The following SPPL3 variants were observed in gnomAD, a reference collection of about 807,000 sequenced individuals.
SPPL3 encodes the protein signal peptide peptidase-like 3.
SPPL3 carries 5 observed loss-of-function variants against 42.4 expected under a neutral mutation model. That is an observed-to-expected ratio of 0.12 (90% CI 0.06 to 0.25). SPPL3 has a LOEUF of 0.25. Ranked by LOEUF, SPPL3 falls within the 10% of genes least tolerant of loss-of-function variation. The probability of loss-of-function intolerance (pLI) is 1.00; values close to 1 mark genes in which losing one functional copy is unlikely to be tolerated. For synonymous variants in SPPL3, 195 were observed against 181.8 expected, an observed-to-expected ratio of 1.07 and a Z score of -0.58; for missense variants, 235 against 489.0, an observed-to-expected ratio of 0.48 and a Z score of 4.90.
At chr12:120,771,375 G>A (rs1368961976) in intron 6 of SPPL3, among the ~76,000 whole-genome samples, 4 of 152,174 alleles carry the variant, frequency 2.6e-5, no homozygotes, top group Non-Finnish European at 5.9e-5. Context: ...CATTTACTGT[G>A]CCCTCTGCCT....
chr12:120,893,528 G>C (rs530003809), intron 1 of SPPL3, among the ~76,000 whole-genome samples: 1 of 151,924 alleles, frequency 6.6e-6, no homozygotes, highest in Non-Finnish European at 1.5e-5. Flanking sequence ...TCAAACAAAT[G>C]GCCAGTACCC....
intron 1 of SPPL3, among the ~76,000 whole-genome samples, chr12:120,859,032 T>C (rs923403690): frequency 1.3e-5 from 2 of 152,228 alleles, no homozygotes; most frequent in African/African-American, 2.4e-5. Context: ...TTCTGCCTCA[T>C]TGCATTTCTT....
chr12:120,889,531 A>G (rs1873565918), intron 1 of SPPL3, among the ~76,000 whole-genome samples: 1 of 152,212 alleles, frequency 6.6e-6, no homozygotes, highest in Non-Finnish European at 1.5e-5. Flanking sequence ...CCTAGAGAAG[A>G]GCTTCCCCTA....
chr12:120,890,341 G>A (rs558404549), intron 1 of SPPL3, among the ~76,000 whole-genome samples: 1 of 152,218 alleles, frequency 6.6e-6, no homozygotes, highest in Admixed American at 6.5e-5. Context: ...TGTAATCCCA[G>A]CACTTTGGGA....
At chr12:120,780,797 C>A (rs1440438363) in intron 6 of SPPL3, among the ~76,000 whole-genome samples, 2 of 151,388 alleles carry the variant, frequency 1.3e-5, no homozygotes, top group Non-Finnish European at 2.9e-5. Context: ...CCCACAATCC[C>A]AGCTACTTGG....
intron 1 of SPPL3, among the ~76,000 whole-genome samples, chr12:120,850,237 C>T (rs1053891371): frequency 6.6e-5 from 10 of 152,172 alleles, no homozygotes; most frequent in African/African-American, 2.2e-4. Flanking sequence ...CAGAGACACA[C>T]ATCTTAGATG....
At chr12:120,852,878 TCA>T (rs1872303955) in intron 1 of SPPL3, among the ~76,000 whole-genome samples, 16 of 138,162 alleles carry the variant, frequency 1.2e-4, no homozygotes, top group African/African-American at 3.1e-4. Context: ...TATATACATA[TCA>T]TATATATTTC....
intron 6 of SPPL3, among the ~76,000 whole-genome samples, chr12:120,781,572 T>TGG (rs1566040055): frequency 1.0e-4 from 9 of 88,572 alleles, no homozygotes; most frequent in African/African-American, 4.2e-4. Context: ...TTTTTTTTTT[T>TGG]TTTTTTTTTT....
At position 120,781,666 on chromosome 12, in the gene SPPL3, C is replaced by T. The variant is rs536538269; in HGVS notation, c.502+989G>A. ...TTGGCTCACTGCAAGCTCCGCCTCC[C>T]GGGTTCACACCTCCGGAGTTCTCCT... On this transcript the variant is annotated intron_variant, in intron 6 of 10. Transcript: ENST00000353487. Among the ~76,000 whole-genome samples the T allele has an allele frequency of 8.4e-5, 12 of 143,076 alleles. 1 individual carries two copies. In the South Asian group the frequency reaches 8.9e-4, roughly 11 times the overall value. 93.9% of individuals were successfully genotyped at this position (143,076 alleles called of 152,430 possible). A position where few individuals can be genotyped will look rare whatever the true frequency, so the allele number is the denominator to read the frequency against.
intron 1 of SPPL3, among the ~76,000 whole-genome samples, chr12:120,889,025 G>C (rs555713062): frequency 3.7e-4 from 57 of 152,130 alleles, no homozygotes; most frequent in African/African-American, 1.3e-3. Flanking sequence ...TGTTGGCGAG[G>C]CTGGTCTTGA....
chr12:120,860,945 C>A (rs1872601016), intron 1 of SPPL3, among the ~76,000 whole-genome samples: 1 of 152,146 alleles, frequency 6.6e-6, no homozygotes. Context: ...TATTTACATA[C>A]AACCTACACA....
intron 1 of SPPL3, among the ~76,000 whole-genome samples, chr12:120,817,646 T>G (rs545811017): frequency 6.8e-4 from 104 of 152,330 alleles, no homozygotes; most frequent in African/African-American, 2.5e-3. Context: ...AAGGCTAATT[T>G]ACAAACTCTT....
At chr12:120,822,209 A>C (rs895476984) in intron 1 of SPPL3, among the ~76,000 whole-genome samples, 1 of 152,196 alleles carries the variant, frequency 6.6e-6, no homozygotes, top group African/African-American at 2.4e-5. Context: ...AACGTACTTA[A>C]TGTTACTGAA....
Position 120,866,628 on chromosome 12 carries a change from C to T in SPPL3, c.23+37217G>A, listed in dbSNP as rs546284825. Reference sequence around the variant, plus strand: ...AATGTATTTCTTCTATTCTAAGACACAATGGATTGTAAAATAATAGCATAC... The same window carrying T: ...AATGTATTTCTTCTATTCTAAGACATAATGGATTGTAAAATAATAGCATAC... On this transcript the variant is annotated intron_variant, in intron 1 of 10. Coordinates refer to ENST00000353487, the MANE Select transcript of SPPL3 (RefSeq NM_139015.5). 9.2e-5 allele frequency among the ~76,000 whole-genome samples: 14 copies of T among 152,272 alleles called. No individual in the cohort carries two copies. The South Asian group carries it at 2.7e-3, about 29-fold the overall frequency.
intron 1 of SPPL3, among the ~76,000 whole-genome samples, chr12:120,858,977 G>A (rs1234056078): frequency 6.6e-6 from 1 of 152,058 alleles, no homozygotes; most frequent in Non-Finnish European, 1.5e-5. Context: ...TACTTATTTA[G>A]TCACTCTAGG....
intron 1 of SPPL3, among the ~76,000 whole-genome samples, chr12:120,882,609 T>C (rs916568279): frequency 2.0e-5 from 3 of 152,170 alleles, no homozygotes; most frequent in Non-Finnish European, 4.4e-5. Flanking sequence ...TGGTCTCCTA[T>C]GTATCCACAA....
At chr12:120,872,386 C>T (rs374523511) in intron 1 of SPPL3, among the ~76,000 whole-genome samples, 9 of 152,312 alleles carry the variant, frequency 5.9e-5, no homozygotes, top group African/African-American at 2.2e-4. Flanking sequence ...TGTGATCCCC[C>T]TCCAGGGAAA....
At chr12:120,896,540 C>T (rs2137070762) in intron 1 of SPPL3, among the ~76,000 whole-genome samples, 1 of 152,238 alleles carries the variant, frequency 6.6e-6, no homozygotes, top group East Asian at 1.9e-4. Flanking sequence ...TTTTAGGAGG[C>T]TGAGGCAGGT....
intron 6 of SPPL3, among the ~76,000 whole-genome samples, chr12:120,772,244 A>G (rs903735229): frequency 6.0e-5 from 9 of 150,512 alleles, no homozygotes; most frequent in African/African-American, 2.2e-4. Context: ...CTGGTCTCAA[A>G]CTCCTGACCT....
Sources: gnomAD v4.1 joint callset for allele counts (sites outside exome capture counted in the v4.1 genomes callset) on GRCh38, gnomAD v4.1.1 for gene constraint, MANE v1.5 for transcripts, NCBI Gene and HGNC (gene_info 2026-07-23, HGNC 2026-07-21) for gene names.